PLXNA2: variants seen among roughly 807,000 people sequenced by gnomAD.
The protein encoded by PLXNA2 is plexin-A2.
A neutral mutation model predicts 193.5 loss-of-function variants in PLXNA2; 91 were observed. The ratio of observed to expected loss-of-function variants is 0.47; its 90% CI spans 0.40 to 0.56. PLXNA2 has a LOEUF of 0.56. Ranked by LOEUF, PLXNA2 falls within the 20% of genes least tolerant of loss-of-function variation. PLXNA2 has a pLI of 0.00. For synonymous variants in PLXNA2, 997 were observed against 1,027.3 expected, an observed-to-expected ratio of 0.97 and a Z score of 0.56; for missense variants, 1,995 against 2,503.2, an observed-to-expected ratio of 0.80 and a Z score of 4.33.
At chr1:208,117,847 G>A (rs1251702247) in intron 4 of PLXNA2, among the ~76,000 whole-genome samples, 2 of 152,110 alleles carry the variant, frequency 1.3e-5, no homozygotes. Flanking sequence ...GGCAAGGGGA[G>A]GAAAAAAATC....
At position 208,038,612 on chromosome 1, in the gene PLXNA2, C is replaced by G; in HGVS notation, c.4661-138G>C. 1.6e-5 allele frequency: 13 copies of G among 805,478 alleles called. No individual in the cohort carries two copies. The highest frequency in any genetic ancestry group is 2.7e-5 in the Non-Finnish European group (13 of 487,230). The allele number at this position is 805,478 out of a possible 1,614,324, so 49.9% of individuals were successfully genotyped here. On this transcript the variant is annotated intron_variant, in intron 25 of 31. Coordinates refer to ENST00000367033, the MANE Select transcript of PLXNA2 (RefSeq NM_025179.4). The surrounding 1 kb of genome is among the most constrained non-coding windows in gnomAD (Gnocchi z 4.1). ...TACCAATAACAGAGGCTAGAGACAT[C>G]TAGGGCTCCATGGGCCCAGGCAGCA...
chr1:208,220,099 C>T (rs1302912538), intron 1 of PLXNA2, among the ~76,000 whole-genome samples: 5 of 152,116 alleles, frequency 3.3e-5, no homozygotes, highest in Non-Finnish European at 7.4e-5. Context: ...AGTGGTTCCT[C>T]CTTGAGGAGC....
At chr1:208,087,068 C>T (rs186798333) in intron 9 of PLXNA2, among the ~76,000 whole-genome samples, 113 of 151,074 alleles carry the variant, frequency 7.5e-4, no homozygotes, top group African/African-American at 2.6e-3. Context: ...TTTCTTACTC[C>T]GAACCAGCTG....
intron 3 of PLXNA2, among the ~76,000 whole-genome samples, chr1:208,207,669 T>C (rs1670778441): frequency 6.6e-6 from 1 of 152,102 alleles, no homozygotes; most frequent in Admixed American, 6.6e-5. Flanking sequence ...GAAAGAGCTA[T>C]GGGGCCTGGA....
At chr1:208,029,894 G>GGGC in intron 29 of PLXNA2, 1 of 985,552 alleles carries the variant, frequency 1.0e-6, no homozygotes, top group South Asian at 4.7e-5. Flanking sequence ...GCTGCCTTCT[G>GGGC]GGCTTTAACT....
chr1:208,135,317 C>G (rs1411812813), intron 4 of PLXNA2, among the ~76,000 whole-genome samples: 3 of 152,184 alleles, frequency 2.0e-5, no homozygotes, highest in Non-Finnish European at 1.5e-5. Flanking sequence ...AAGCCAGTTT[C>G]CTGTAATCCA....
chr1:208,109,549 T>C (rs1234063591), intron 4 of PLXNA2, among the ~76,000 whole-genome samples: 1 of 152,192 alleles, frequency 6.6e-6, no homozygotes, highest in African/African-American at 2.4e-5. Context: ...ATTATCTCAT[T>C]TGATCTGCAC....
At chr1:208,201,021 T>C (rs1670535605) in intron 3 of PLXNA2, among the ~76,000 whole-genome samples, 1 of 152,222 alleles carries the variant, frequency 6.6e-6, no homozygotes, top group Non-Finnish European at 1.5e-5. Flanking sequence ...GTAGTAGTAA[T>C]ACTAGTAGGA....
In PLXNA2 at chr1:208,028,222, C is replaced by A; in HGVS notation, c.5439-63G>T. ...AGCAAACATTTACCTATAGCTACCC[C>A]GGGCCCAGGTCCTTCGAGGGCACTG... On this transcript the variant is annotated intron_variant, in intron 30 of 31. Transcript: ENST00000367033. This position sits in a 1 kb window ranked among gnomAD's most constrained non-coding sequence, Gnocchi z 4.2. 6.7e-7 allele frequency: 1 copy of A among 1,494,648 alleles called. No homozygotes were observed. The highest frequency in any genetic ancestry group is 1.3e-5 in the South Asian group (1 of 75,144). 92.6% of individuals were successfully genotyped at this position (1,494,648 alleles called of 1,614,324 possible). A position where few individuals can be genotyped will look rare whatever the true frequency, so the allele number is the denominator to read the frequency against.
chr1:208,051,648 A>G (rs937401299), intron 15 of PLXNA2, among the ~76,000 whole-genome samples: 1 of 152,176 alleles, frequency 6.6e-6, no homozygotes. Context: ...AATGAGGGGC[A>G]GGGATAGGGT....
intron 3 of PLXNA2, among the ~76,000 whole-genome samples, chr1:208,178,075 C>A (rs560165703): frequency 6.6e-6 from 1 of 152,132 alleles, no homozygotes; most frequent in Non-Finnish European, 1.5e-5. Context: ...ACAGCCTCTG[C>A]CATTCTATAG....
intron 12 of PLXNA2, among the ~76,000 whole-genome samples, chr1:208,063,256 A>G (rs1328774723): frequency 6.6e-6 from 1 of 152,240 alleles, no homozygotes; most frequent in Admixed American, 6.5e-5. Flanking sequence ...TGGGGACCGC[A>G]TTGTGGATCC....
At chr1:208,168,347 C>T (rs1164182737) in intron 3 of PLXNA2, among the ~76,000 whole-genome samples, 1 of 152,204 alleles carries the variant, frequency 6.6e-6, no homozygotes, top group East Asian at 1.9e-4. Flanking sequence ...AAAATACACA[C>T]ATTCCAATTT....
In PLXNA2 at chr1:208,060,855, G is replaced by A; in HGVS notation, c.2587-18C>T. ...GTCAAAATCTGCAGGAGGGAAATGG[G>A]ATTAGCAATTTGGTTTGGTCACAGG... On this transcript the variant is annotated intron_variant, in intron 12 of 31. Coordinates refer to ENST00000367033, the MANE Select transcript of PLXNA2 (RefSeq NM_025179.4). 6.2e-7 allele frequency: 1 copy of A among 1,612,738 alleles called. No individual in the cohort carries two copies. Among genetic ancestry groups the A allele is most frequent in the Non-Finnish European group, 8.5e-7 (1 of 1,179,312 alleles).
At chr1:208,091,835 A>T (rs1335430853) in intron 9 of PLXNA2, among the ~76,000 whole-genome samples, 2 of 147,026 alleles carry the variant, frequency 1.4e-5, no homozygotes, top group Non-Finnish European at 3.0e-5. Context: ...ACGCCATTGC[A>T]CTCCAGCCTG....
chr1:208,119,447 C>A (rs902072017), intron 4 of PLXNA2, among the ~76,000 whole-genome samples: 14 of 152,164 alleles, frequency 9.2e-5, no homozygotes, highest in Non-Finnish European at 8.8e-5. Flanking sequence ...CCTGCAAAGC[C>A]CTTGAACACA....
chr1:208,082,374 T>C lies in PLXNA2; in HGVS notation c.2395+38A>G, dbSNP rs1422442945. 4 of 1,548,694 alleles carry C rather than the reference T, an allele frequency of 2.6e-6. No individual in the cohort carries two copies. The highest frequency in any genetic ancestry group is 3.6e-6 in the Non-Finnish European group (4 of 1,123,808). On this transcript the variant is annotated intron_variant, in intron 11 of 31. Transcript: ENST00000367033. The surrounding 1 kb of genome is among the most constrained non-coding windows in gnomAD (Gnocchi z 4.2). ...CTAGCCCCAGTCTTTCCCGGGGTCG[T>C]GAAAAGATCAAACTTCTACCCGGAA...
At chr1:208,164,244 A>G (rs938804990) in intron 3 of PLXNA2, among the ~76,000 whole-genome samples, 2 of 151,604 alleles carry the variant, frequency 1.3e-5, no homozygotes, top group African/African-American at 4.9e-5. Context: ...AGCCCAATCC[A>G]CCTCTGCCTC....
rs1364364807 is a variant in PLXNA2, at chr1:208,042,107, A to G, written c.4277T>C (p.Leu1426Pro). The G allele has an allele frequency of 6.2e-7, 1 of 1,613,752 alleles. No homozygotes were observed. ...NLENKNHPKL[L>P]LRRTESVAEK... The stretch of plus-strand genomic sequence containing the variant: ...CTGCTGCGGGCCAGACCTCCGGAGT[A>G]GCAGCTTGGGGTGGTTCTTGTTCTC... Residue 1426 changes from leucine (L) to proline (P), a missense_variant, in exon 22 of 32, where the codon CTA becomes CCA. This residue lies in a region of PLXNA2 where 1,291 missense variants were observed against 1,673.6 expected (regional missense o/e 0.77). Transcript: ENST00000367033.
Sources: allele counts gnomAD v4.1 joint callset (sites outside exome capture counted in the v4.1 genomes callset), GRCh38; gene constraint gnomAD v4.1.1; regional missense constraint gnomAD v4.1.1; non-coding constraint Gnocchi (gnomAD v3.1); transcripts MANE v1.5; gene names NCBI Gene and HGNC (gene_info 2026-07-23, HGNC 2026-07-21).